Variants in C16orf87 observed in about 807,000 individuals in gnomAD.
C16orf87 encodes the protein HDAC and MIER1 interacting protein 1, also known as UPF0547 protein C16orf87.
Under a neutral mutation model 21.0 loss-of-function variants are expected in C16orf87, and 13 were observed. The observed-to-expected ratio is 0.62, with a 90% CI of 0.40 to 0.98. C16orf87 has a LOEUF of 0.98. Among genes scored for constraint, C16orf87 ranks in the 50% least tolerant of loss-of-function variants. The probability of loss-of-function intolerance (pLI) is 0.00; values close to 1 mark genes in which losing one functional copy is unlikely to be tolerated. For synonymous variants in C16orf87, 49 were observed against 60.2 expected, an observed-to-expected ratio of 0.81 and a Z score of 0.86; for missense variants, 113 against 180.4, an observed-to-expected ratio of 0.63 and a Z score of 2.14.
chr16:46,829,842 T>G (rs1959773759), intron 1 of C16orf87, among the ~76,000 whole-genome samples: 1 of 150,912 alleles, frequency 6.6e-6, no homozygotes, highest in African/African-American at 2.4e-5. Flanking sequence ...TTAAAAGATT[T>G]GAAAAACCTA....
At chr16:46,819,973 G>A (rs984994501) in intron 2 of C16orf87, among the ~76,000 whole-genome samples, 12 of 151,202 alleles carry the variant, frequency 7.9e-5, no homozygotes, top group Admixed American at 6.6e-5. Flanking sequence ...ACAAGAGCGA[G>A]ACTCCATCTC....
At chr16:46,810,377 C>G (rs1968046234) in intron 2 of C16orf87, among the ~76,000 whole-genome samples, 1 of 152,092 alleles carries the variant, frequency 6.6e-6, no homozygotes, top group Non-Finnish European at 1.5e-5. Context: ...AATAGGGAAA[C>G]TTTACTAAAT....
At chr16:46,811,025 T>C (rs1405866387) in intron 2 of C16orf87, among the ~76,000 whole-genome samples, 1 of 152,208 alleles carries the variant, frequency 6.6e-6, no homozygotes, top group Non-Finnish European at 1.5e-5. Context: ...GAACAAAGCA[T>C]TTCTTCTGCT....
In C16orf87 at chr16:46,800,480, G is replaced by A. The variant is rs1967738784; in HGVS notation, c.*2472C>T. On this transcript the variant is annotated 3_prime_UTR_variant, in exon 4 of 4. Transcript: ENST00000285697. ...CAAAAACATTTTGGAATACCATGGA[G>A]TTGAGGCAGGGAGTAACAACTCTCA... The A allele has an allele frequency of 6.6e-6, 1 of 152,208 alleles. No homozygotes were observed. 9.4% of individuals were successfully genotyped at this position (152,208 alleles called of 1,614,324 possible).
At chr16:46,828,729 C>A (rs1488822395) in intron 1 of C16orf87, among the ~76,000 whole-genome samples, 1 of 152,038 alleles carries the variant, frequency 6.6e-6, no homozygotes, top group African/African-American at 2.4e-5. Flanking sequence ...TACCTAAATT[C>A]GAATTTAATT....
chr16:46,813,740 C>T (rs1465440561), intron 2 of C16orf87, among the ~76,000 whole-genome samples: 5 of 152,174 alleles, frequency 3.3e-5, no homozygotes, highest in Non-Finnish European at 7.3e-5. Flanking sequence ...GCTCTCTTCC[C>T]ACGGCTCTTC....
In C16orf87 at chr16:46,797,556, C is replaced by T. The variant is rs1967648210; in HGVS notation, c.*5396G>A. 6.6e-6 allele frequency: 1 copy of T among 152,194 alleles called. No individual in the cohort carries two copies. The highest frequency in any genetic ancestry group is 1.5e-5 in the Non-Finnish European group (1 of 68,070). The allele number at this position is 152,194 out of a possible 1,614,324, so 9.4% of individuals were successfully genotyped here. A position where few individuals can be genotyped will look rare whatever the true frequency, so the allele number is the denominator to read the frequency against. On this transcript the variant is annotated 3_prime_UTR_variant, in exon 4 of 4. Coordinates refer to ENST00000285697, the MANE Select transcript of C16orf87 (RefSeq NM_001001436.4). ...TAGAGTTGGGGTTTCACCACATTGT[C>T]CAGGCTGGTCTCGAACTCCTGGACT...
At chr16:46,807,486 A>G (rs562073803) in intron 3 of C16orf87, among the ~76,000 whole-genome samples, 2 of 152,258 alleles carry the variant, frequency 1.3e-5, no homozygotes, top group East Asian at 3.9e-4. Flanking sequence ...ACAAGTAACA[A>G]ATGTGGCCCA....
Position 46,802,686 on chromosome 16 carries a change from G to GTTT in C16orf87, c.*263_*265dup. On this transcript the variant is annotated 3_prime_UTR_variant, in exon 4 of 4. Transcript: ENST00000285697. ...TAACATCCATCCAGCATTTTTGTTG[G>GTTT]TTTTTTTTTGTTGTTGGCAAATACA... The GTTT allele has an allele frequency of 3.9e-6, 1 of 257,848 alleles. No individual in the cohort carries two copies. Among genetic ancestry groups the GTTT allele is most frequent in the Non-Finnish European group, 7.2e-6 (1 of 138,222 alleles). 16.0% of individuals were successfully genotyped at this position (257,848 alleles called of 1,614,324 possible).
chr16:46,815,747 A>C (rs1340731731), intron 2 of C16orf87, among the ~76,000 whole-genome samples: 1 of 152,186 alleles, frequency 6.6e-6, no homozygotes, highest in East Asian at 1.9e-4. Context: ...AAAACCAAAA[A>C]ATAAAGTGTT....
rs553383994 is a variant in C16orf87 at position 46,803,286 on chromosome 16, CACAGGCACTCTA to C, written c.347-228_347-217del. Among the ~76,000 whole-genome samples the C allele has an allele frequency of 4.6e-5, 7 of 152,254 alleles. No individual in the cohort carries two copies. The South Asian group carries it at 1.4e-3, about 32-fold the overall frequency. ...AATGAAGACAATATTTATTTCTATACACAGGCACTCTAACAGCTACATAATTTTTCTAAGAAT... is the reference window on the plus strand; with the variant it reads ...AATGAAGACAATATTTATTTCTATACACAGCTACATAATTTTTCTAAGAAT... On this transcript the variant is annotated intron_variant, in intron 3 of 3. Coordinates refer to ENST00000285697, the MANE Select transcript of C16orf87 (RefSeq NM_001001436.4).
intron 2 of C16orf87, among the ~76,000 whole-genome samples, chr16:46,816,615 C>T (rs1968250979): frequency 6.6e-6 from 1 of 152,080 alleles, no homozygotes; most frequent in Non-Finnish European, 1.5e-5. Flanking sequence ...ATCCAAGAAA[C>T]CTAATAGATA....
chr16:46,806,545 C>T (rs1024788616), intron 3 of C16orf87, among the ~76,000 whole-genome samples: 7 of 152,182 alleles, frequency 4.6e-5, no homozygotes, highest in African/African-American at 1.7e-4. Context: ...AGGCGTGAGC[C>T]ACCACGCCTG....
intron 1 of C16orf87, among the ~76,000 whole-genome samples, chr16:46,825,110 A>G (rs1163891113): frequency 1.3e-5 from 2 of 152,226 alleles, no homozygotes; most frequent in Non-Finnish European, 2.9e-5. Context: ...AAGTATGTGG[A>G]AAAAAAGGTA....
At chr16:46,825,638 G>A (rs1959585890) in intron 1 of C16orf87, among the ~76,000 whole-genome samples, 1 of 151,928 alleles carries the variant, frequency 6.6e-6, no homozygotes, top group African/African-American at 2.4e-5. Context: ...AGGACTGGGC[G>A]CAGTGGCTCA....
rs1229544713 is a variant in C16orf87 at position 46,800,663 on chromosome 16, C to T, written c.*2289G>A. On this transcript the variant is annotated 3_prime_UTR_variant, in exon 4 of 4. Transcript: ENST00000285697. ...GATTAAGTAAAGAACTATAATTATA[C>T]TCTTAGGACATCTGCTGATGACAGA... 6.6e-6 allele frequency: 1 copy of T among 152,176 alleles called. No homozygotes were observed. Among genetic ancestry groups the T allele is most frequent in the African/African-American group, 2.4e-5 (1 of 41,436 alleles). 9.4% of individuals were successfully genotyped at this position (152,176 alleles called of 1,614,324 possible).
intron 1 of C16orf87, 166 bp downstream of exon 1, chr16:46,830,918 G>C: frequency 2.4e-6 from 1 of 415,630 alleles, no homozygotes; most frequent in Non-Finnish European, 4.2e-6. Context: ...GCTTTTCCCG[G>C]GAAACCCCTC....
intron 2 of C16orf87, among the ~76,000 whole-genome samples, chr16:46,817,417 T>C (rs1341912251): frequency 6.6e-6 from 1 of 152,064 alleles, no homozygotes; most frequent in African/African-American, 2.4e-5. Context: ...CCAGGTGCAG[T>C]GGCTCACCCC....
intron 1 of C16orf87, among the ~76,000 whole-genome samples, chr16:46,830,250 GAGAT>G (rs1207292773): frequency 4.6e-4 from 65 of 142,182 alleles, no homozygotes; most frequent in African/African-American, 1.4e-3. Context: ...GAGAGATAGA[GAGAT>G]AGAGAGAGAC....
Sources: gnomAD v4.1 joint callset for allele counts (sites outside exome capture counted in the v4.1 genomes callset) on GRCh38, gnomAD v4.1.1 for gene constraint, MANE v1.5 for transcripts, NCBI Gene and HGNC (gene_info 2026-07-23, HGNC 2026-07-21) for gene names.